The following ZBTB20 variants were observed in gnomAD, a reference collection of about 807,000 sequenced individuals.
The protein encoded by ZBTB20 is zinc finger and BTB domain containing 20.
A neutral mutation model predicts 56.9 loss-of-function variants in ZBTB20; 9 were observed. That is an observed-to-expected ratio of 0.16 (90% CI 0.10 to 0.28). The LOEUF (loss-of-function observed/expected upper bound fraction) is 0.28, where lower values mean the gene tolerates loss of function less well. ZBTB20 is among the 10% of genes least tolerant of loss of function. The probability of loss-of-function intolerance (pLI) is 1.00; values close to 1 mark genes in which losing one functional copy is unlikely to be tolerated. For missense variants in ZBTB20, 655 were observed against 1,003.0 expected, an observed-to-expected ratio of 0.65 and a Z score of 4.69; for synonymous variants, 417 against 420.7, an observed-to-expected ratio of 0.99 and a Z score of 0.11.
rs117514401 is a variant in ZBTB20 at position 114,767,492 on chromosome 3, T to C, written c.-343+33609A>G. On this transcript the variant is annotated intron_variant, in intron 5 of 11. Transcript: ENST00000675478. ...TTAAATTTTACCTTATGAAGAGAAA[T>C]ATTGAAAAGAAAAAGGAAGAAGGAG... 1.9e-3 allele frequency among the ~76,000 whole-genome samples: 274 copies of C among 143,974 alleles called. 8 individuals are homozygous for C. The South Asian group carries it at 0.04, about 21-fold the overall frequency. The allele number at this position is 143,974 out of a possible 152,430, so 94.5% of individuals were successfully genotyped here.
At chr3:114,972,982 G>A (rs1024332989) in intron 3 of ZBTB20, among the ~76,000 whole-genome samples, 3 of 152,022 alleles carry the variant, frequency 2.0e-5, no homozygotes, top group African/African-American at 7.3e-5. Context: ...ATAATCTTAT[G>A]GGGCAAGGCA....
At chr3:114,902,311 T>C (rs1576279573) in intron 3 of ZBTB20, among the ~76,000 whole-genome samples, 2 of 152,214 alleles carry the variant, frequency 1.3e-5, no homozygotes, top group East Asian at 3.8e-4. Context: ...TCACATTCAG[T>C]GAGCATCTAC....
intron 5 of ZBTB20, among the ~76,000 whole-genome samples, chr3:114,759,644 A>C (rs1169115464): frequency 6.6e-6 from 1 of 152,132 alleles, no homozygotes; most frequent in African/African-American, 2.4e-5. Context: ...TATGAGTGTC[A>C]GATTTTCTCT....
intron 1 of ZBTB20, among the ~76,000 whole-genome samples, chr3:115,088,312 A>G (rs887825434): frequency 2.6e-5 from 4 of 151,892 alleles, no homozygotes; most frequent in African/African-American, 9.7e-5. Context: ...ATTTGAGAAA[A>G]GACCACTCTT....
chr3:114,401,739 G>T (rs2086841567), intron 7 of ZBTB20, among the ~76,000 whole-genome samples: 1 of 151,954 alleles, frequency 6.6e-6, no homozygotes, highest in Non-Finnish European at 1.5e-5. Context: ...ACCCATTAAG[G>T]TGGCTACTGA....
chr3:114,952,278 T>A (rs1312241870), intron 3 of ZBTB20, among the ~76,000 whole-genome samples: 1 of 152,022 alleles, frequency 6.6e-6, no homozygotes, highest in African/African-American at 2.4e-5. Context: ...GAGTGAGTTG[T>A]TGATAAAAAG....
At chr3:114,451,145 A>G (rs2091581025) in intron 7 of ZBTB20, among the ~76,000 whole-genome samples, 1 of 151,780 alleles carries the variant, frequency 6.6e-6, no homozygotes, top group Non-Finnish European at 1.5e-5. Context: ...CTGGCCTCAC[A>G]AAAGCTCCAC....
chr3:114,418,231 C>T (rs1388070699), intron 7 of ZBTB20, among the ~76,000 whole-genome samples: 2 of 152,038 alleles, frequency 1.3e-5, no homozygotes, highest in Admixed American at 1.3e-4. Flanking sequence ...CCAAGCATTC[C>T]TGATGCCCTT....
chr3:114,401,329 T>C (rs555710082), intron 7 of ZBTB20, among the ~76,000 whole-genome samples: 1 of 152,248 alleles, frequency 6.6e-6, no homozygotes, highest in African/African-American at 2.4e-5. Context: ...TCCCAATCCA[T>C]ACCAGACAGA....
chr3:114,379,109 C>T (rs1269268895), intron 10 of ZBTB20: 3 of 152,196 alleles, frequency 2.0e-5, no homozygotes, highest in Admixed American at 6.5e-5. Context: ...GGACCATTGT[C>T]TCTTGCCTTC....
intron 6 of ZBTB20, among the ~76,000 whole-genome samples, chr3:114,507,608 G>C (rs747080842): frequency 3.3e-5 from 5 of 152,118 alleles, no homozygotes; most frequent in African/African-American, 7.2e-5. Flanking sequence ...AGATTGCTAA[G>C]AGCAGTTCTG....
At chr3:114,637,648 T>C (rs1271652835) in intron 6 of ZBTB20, among the ~76,000 whole-genome samples, 2 of 152,264 alleles carry the variant, frequency 1.3e-5, no homozygotes, top group African/African-American at 4.8e-5. Flanking sequence ...TAGAATATTA[T>C]TCATGTACTT....
chr3:114,936,289 C>T (rs184664863), intron 3 of ZBTB20, among the ~76,000 whole-genome samples: 22 of 152,290 alleles, frequency 1.4e-4, no homozygotes, highest in Admixed American at 6.5e-4. Flanking sequence ...CACATGCATG[C>T]GCACACACAC....
At chr3:114,944,858 A>C (rs910933696) in intron 3 of ZBTB20, among the ~76,000 whole-genome samples, 2 of 145,498 alleles carry the variant, frequency 1.4e-5, no homozygotes, top group Non-Finnish European at 3.0e-5. Flanking sequence ...ATGTTATTCA[A>C]AAAGCACAAA....
chr3:114,580,648 T>C (rs1390733926), intron 6 of ZBTB20, among the ~76,000 whole-genome samples: 4 of 151,772 alleles, frequency 2.6e-5, no homozygotes, highest in Admixed American at 2.0e-4. Context: ...GCAAAGTTGC[T>C]GAATATATAA....
intron 10 of ZBTB20, among the ~76,000 whole-genome samples, chr3:114,375,450 C>T (rs2083499178): frequency 6.6e-6 from 1 of 152,182 alleles, no homozygotes; most frequent in Non-Finnish European, 1.5e-5. Context: ...ACCTGATTCC[C>T]TATAACTTTT....
At chr3:114,869,843 G>A (rs1436216324) in intron 4 of ZBTB20, among the ~76,000 whole-genome samples, 1 of 152,098 alleles carries the variant, frequency 6.6e-6, no homozygotes, top group Non-Finnish European at 1.5e-5. Flanking sequence ...TAGCAAAAAT[G>A]TAAGTTTATG....
chr3:114,951,224 A>G (rs2077055675), intron 3 of ZBTB20, among the ~76,000 whole-genome samples: 1 of 152,164 alleles, frequency 6.6e-6, no homozygotes, highest in Non-Finnish European at 1.5e-5. Flanking sequence ...TTGCGACCAT[A>G]AGAATTTCCA....
At chr3:114,360,290 C>T (rs564425881) in intron 10 of ZBTB20, among the ~76,000 whole-genome samples, 3 of 151,754 alleles carry the variant, frequency 2.0e-5, no homozygotes, top group Middle Eastern at 3.4e-3. Flanking sequence ...CCAATGAGAC[C>T]GCTGTTTTTC....
Sources: allele counts gnomAD v4.1 joint callset (sites outside exome capture counted in the v4.1 genomes callset), GRCh38; gene constraint gnomAD v4.1.1; transcripts MANE v1.5; gene names NCBI Gene and HGNC (gene_info 2026-07-23, HGNC 2026-07-21).